The following ABHD17B variants were observed in gnomAD, a reference collection of about 807,000 sequenced individuals.
ABHD17B encodes the protein alpha/beta hydrolase domain-containing protein 17B.
Under a neutral mutation model 26.2 loss-of-function variants are expected in ABHD17B, and 9 were observed. The ratio of observed to expected loss-of-function variants is 0.34; its 90% CI spans 0.21 to 0.60. The LOEUF (loss-of-function observed/expected upper bound fraction) is 0.60, where lower values mean the gene tolerates loss of function less well. Ranked by LOEUF, ABHD17B falls within the 20% of genes least tolerant of loss-of-function variation. The probability of loss-of-function intolerance (pLI) is 0.80; values close to 1 mark genes in which losing one functional copy is unlikely to be tolerated. For synonymous variants in ABHD17B, 127 were observed against 122.3 expected (o/e 1.04, Z -0.25); for missense variants, 224 against 352.1 (o/e 0.64, Z 2.91).
Position 71,870,251 on chromosome 9 carries a change from C to T in ABHD17B, c.479G>A (p.Arg160His), listed in dbSNP as rs1194192922. 3.8e-6 allele frequency: 6 copies of T among 1,585,740 alleles called. No homozygotes were observed. Among genetic ancestry groups the T allele is most frequent in the East Asian group, 2.3e-5 (1 of 44,244 alleles). Residue 160 changes from arginine to histidine, a missense_variant, in exon 3 of 4, where the codon CGC (arginine) becomes CAC (histidine). Physicochemically the swap from Arg to His is conservative, Grantham distance 29 (BLOSUM62 0). Transcript: ENST00000333421. ...GCCATATATAATCACATTTTCAGGG[C>T]GAATGCCATATCTACAAAGTTCAGG... ...WLALRTRYGIRPENVIIYGQS... is the reference protein window; with the variant it reads ...WLALRTRYGIHPENVIIYGQS...
chr9:71,903,015 T>C (rs951107836), intron 1 of ABHD17B, among the ~76,000 whole-genome samples: 1 of 152,216 alleles, frequency 6.6e-6, no homozygotes, highest in Non-Finnish European at 1.5e-5. Flanking sequence ...TTCAACCCCC[T>C]TTCTTCACTC....
chr9:71,874,588 A>C, intron 2 of ABHD17B, 26 bp downstream of exon 2: 1 of 1,522,226 alleles, frequency 6.6e-7, no homozygotes, highest in African/African-American at 1.4e-5. Flanking sequence ...CACGAGTATG[A>C]AAAATAAATT....
intron 3 of ABHD17B, 22 bp from the exon 4 acceptor site, chr9:71,867,028 G>A: frequency 1.9e-6 from 3 of 1,610,610 alleles, no homozygotes; most frequent in East Asian, 2.2e-5. Context: ...AAGGAAGGGG[G>A]AAAAATGCAA....
At chr9:71,903,480 A>G (rs746694233) in intron 1 of ABHD17B, among the ~76,000 whole-genome samples, 2 of 152,216 alleles carry the variant, frequency 1.3e-5, no homozygotes, top group Admixed American at 6.5e-5. Context: ...TTCTGTCTCT[A>G]TGCAATTAGC....
At chr9:71,901,431 T>G (rs1827138633) in intron 1 of ABHD17B, among the ~76,000 whole-genome samples, 1 of 152,182 alleles carries the variant, frequency 6.6e-6, no homozygotes, top group Non-Finnish European at 1.5e-5. Flanking sequence ...TTTATAGCAT[T>G]TAACATCGTT....
Position 71,910,740 on chromosome 9 carries a change from C to T in ABHD17B, c.-110G>A, listed in dbSNP as rs2132227487. 1 of 152,240 alleles carries T rather than the reference C, an allele frequency of 6.6e-6. No individual in the cohort carries two copies. Among genetic ancestry groups the T allele is most frequent in the South Asian group, 2.1e-4 (1 of 4,834 alleles). 9.4% of individuals were successfully genotyped at this position (152,240 alleles called of 1,614,324 possible). The stretch of plus-strand genomic sequence containing the variant: ...GCGAGATCCGCGCTCCGGGCGCCGT[C>T]CGACTCTCTCCGCCTGCAGACTGGC... On this transcript the variant is annotated 5_prime_UTR_variant, in exon 1 of 4. Coordinates refer to ENST00000333421, the MANE Select transcript of ABHD17B (RefSeq NM_001025780.3).
chr9:71,863,571 C>G (rs957954913), downstream of ABHD17B, among the ~76,000 whole-genome samples: 2 of 152,180 alleles, frequency 1.3e-5, no homozygotes, highest in Admixed American at 1.3e-4. Flanking sequence ...TTCGACTTTT[C>G]ATTTAAATCT....
chr9:71,873,256 A>AT (rs200560702), intron 2 of ABHD17B, among the ~76,000 whole-genome samples: 46 of 151,266 alleles, frequency 3.0e-4, no homozygotes, highest in South Asian at 1.0e-3. Context: ...CCAAATTGTG[A>AT]TTTTTTTTTC....
At chr9:71,899,148 T>C (rs1589229853) in intron 1 of ABHD17B, among the ~76,000 whole-genome samples, 1 of 149,852 alleles carries the variant, frequency 6.7e-6, no homozygotes, top group Non-Finnish European at 1.5e-5. Context: ...GAGAGCTGAG[T>C]AGCAACAATA....
intron 1 of ABHD17B, among the ~76,000 whole-genome samples, chr9:71,885,988 G>A (rs942173352): frequency 3.3e-5 from 5 of 152,118 alleles, no homozygotes; most frequent in African/African-American, 1.2e-4. Context: ...TCTTCATTTT[G>A]TGTGATATGT....
rs757916638 is a variant in ABHD17B at position 71,870,252 on chromosome 9, G to A, written c.478C>T (p.Arg160Cys). The A allele has an allele frequency of 1.2e-5, 19 of 1,587,076 alleles. No individual in the cohort carries two copies. The highest frequency in any genetic ancestry group is 9.5e-5 in the African/African-American group (7 of 73,896). Residue 160 changes from arginine to cysteine, a missense_variant, in exon 3 of 4, where the codon CGC becomes TGC. By Grantham distance (180) the Arg-to-Cys change is radical. Transcript: ENST00000333421. ...WLALRTRYGI[R>C]PENVIIYGQS... is the part of the protein sequence containing the mutation. ...CCATATATAATCACATTTTCAGGGC[G>A]AATGCCATATCTACAAAGTTCAGGC...
intron 1 of ABHD17B, among the ~76,000 whole-genome samples, chr9:71,877,776 T>C (rs1217074881): frequency 6.6e-6 from 1 of 152,176 alleles, no homozygotes; most frequent in Non-Finnish European, 1.5e-5. Flanking sequence ...TGGTTGAACA[T>C]ATATAATGCT....
intron 2 of ABHD17B, among the ~76,000 whole-genome samples, chr9:71,872,703 A>G (rs1452621107): frequency 6.6e-6 from 1 of 152,090 alleles, no homozygotes; most frequent in Non-Finnish European, 1.5e-5. Context: ...ACGTTATTCA[A>G]CTGACTGACT....
intron 1 of ABHD17B, among the ~76,000 whole-genome samples, chr9:71,895,576 T>G (rs1826929707): frequency 6.6e-6 from 1 of 152,232 alleles, no homozygotes; most frequent in African/African-American, 2.4e-5. Context: ...CTACATTACC[T>G]TACTTTGTAA....
intron 1 of ABHD17B, among the ~76,000 whole-genome samples, chr9:71,906,695 G>A (rs1827294578): frequency 6.6e-6 from 1 of 152,062 alleles, no homozygotes; most frequent in South Asian, 2.1e-4. Flanking sequence ...GTGCATACCT[G>A]TAGTCCCAGA....
At chr9:71,889,815 T>C (rs1826727492) in intron 1 of ABHD17B, among the ~76,000 whole-genome samples, 1 of 152,142 alleles carries the variant, frequency 6.6e-6, no homozygotes, top group African/African-American at 2.4e-5. Flanking sequence ...TTAAAACTTC[T>C]TTAGTCTCTT....
chr9:71,867,060 C>T, intron 3 of ABHD17B, 54 bp from the exon 4 acceptor site: 4 of 1,569,156 alleles, frequency 2.5e-6, no homozygotes, highest in South Asian at 2.3e-5. Flanking sequence ...TGTAAAGGAA[C>T]ATATTCTTGT....
At chr9:71,869,474 T>C (rs1369164374) in intron 3 of ABHD17B, among the ~76,000 whole-genome samples, 1 of 152,140 alleles carries the variant, frequency 6.6e-6, no homozygotes, top group African/African-American at 2.4e-5. Context: ...GAAGAGTAGG[T>C]GGGAACTACC....
chr9:71,886,283 A>T (rs1826606343), intron 1 of ABHD17B, among the ~76,000 whole-genome samples: 1 of 152,126 alleles, frequency 6.6e-6, no homozygotes, highest in South Asian at 2.1e-4. Flanking sequence ...GAAGCATCCA[A>T]AACACAGTAT....
Sources: allele counts gnomAD v4.1 joint callset (sites outside exome capture counted in the v4.1 genomes callset), GRCh38; gene constraint gnomAD v4.1.1; transcripts MANE v1.5; gene names NCBI Gene and HGNC (gene_info 2026-07-23, HGNC 2026-07-21).